SLX4IP: variants seen among roughly 807,000 people sequenced by gnomAD.
The protein encoded by SLX4IP is protein SLX4IP.
A neutral mutation model predicts 32.9 loss-of-function variants in SLX4IP; 34 were observed. That is an observed-to-expected ratio of 1.03 (90% CI 0.79 to 1.38). The LOEUF is 1.38. SLX4IP is among the 40% of genes most tolerant of loss of function. SLX4IP has a pLI of 0.00. For missense variants in SLX4IP, 444 were observed against 479.0 expected (o/e 0.93, Z 0.68); for synonymous variants, 172 against 171.7 (o/e 1.00, Z -0.01).
intron 6 of SLX4IP, chr20:10,613,865 CT>C (rs1317882333): frequency 6.3e-7 from 1 of 1,586,226 alleles, no homozygotes; most frequent in Non-Finnish European, 8.7e-7. Context: ...CTTTGTATGT[CT>C]TTTCAAAAGC....
At chr20:10,523,421 A>T (rs1025389034) in intron 2 of SLX4IP, among the ~76,000 whole-genome samples, 2 of 152,224 alleles carry the variant, frequency 1.3e-5, no homozygotes, top group Non-Finnish European at 2.9e-5. Flanking sequence ...TCCTTCTTTC[A>T]ATTGACCTCT....
At chr20:10,510,609 A>T (rs926127937) in intron 2 of SLX4IP, among the ~76,000 whole-genome samples, 48 of 142,114 alleles carry the variant, frequency 3.4e-4, no homozygotes, top group East Asian at 8.2e-4. Flanking sequence ...TATTTTTATT[A>T]TTTTTTTTTT....
At chr20:10,590,534 G>T (rs971370407) in intron 4 of SLX4IP, among the ~76,000 whole-genome samples, 27 of 149,010 alleles carry the variant, frequency 1.8e-4, no homozygotes, top group Non-Finnish European at 3.0e-4. Context: ...CTAATTTTTT[G>T]TATTTTAGTA....
At chr20:10,603,577 A>C (rs1439045690) in intron 6 of SLX4IP, among the ~76,000 whole-genome samples, 1 of 152,162 alleles carries the variant, frequency 6.6e-6, no homozygotes, top group Non-Finnish European at 1.5e-5. Flanking sequence ...CCTTGTTTTG[A>C]GTGATTGTCT....
chr20:10,623,641 T>C lies in SLX4IP; in HGVS notation c.*262T>C, dbSNP rs1261129796. 3 of 500,146 alleles carry C rather than the reference T, an allele frequency of 6.0e-6. No individual in the cohort carries two copies. Among genetic ancestry groups the C allele is most frequent in the Non-Finnish European group, 1.0e-5 (3 of 286,848 alleles). The allele number at this position is 500,146 out of a possible 1,614,324, so 31.0% of individuals were successfully genotyped here. Reference sequence around the variant, plus strand: ...GAGAATTAGTAATGACAAAGAGCCATCCACCTTGTCAGGGAGGAGACTGTG... The same window carrying C: ...GAGAATTAGTAATGACAAAGAGCCACCCACCTTGTCAGGGAGGAGACTGTG... On this transcript the variant is annotated 3_prime_UTR_variant, in exon 8 of 8. Coordinates refer to ENST00000334534, the MANE Select transcript of SLX4IP (RefSeq NM_001009608.3).
At chr20:10,579,121 T>G (rs529476197) in intron 4 of SLX4IP, among the ~76,000 whole-genome samples, 99 of 152,344 alleles carry the variant, frequency 6.5e-4, no homozygotes, top group African/African-American at 2.1e-3. Context: ...TTTGATATCA[T>G]ATCTAAGAAA....
At position 10,598,677 on chromosome 20, in the gene SLX4IP, T is replaced by C; in HGVS notation, c.241T>C (p.Tyr81His). 11 of 1,614,076 alleles carry C rather than the reference T, an allele frequency of 6.8e-6. No individual in the cohort carries two copies. The highest frequency in any genetic ancestry group is 9.3e-6 in the Non-Finnish European group (11 of 1,179,924). Residue 81 changes from tyrosine (Y) to histidine (H), a missense_variant and splice_region_variant, in exon 5 of 8, where the codon TAT becomes CAT. Coordinates refer to ENST00000334534, the MANE Select transcript of SLX4IP (RefSeq NM_001009608.3). ...TRSNPLSLKG[Y>H]GFQITAYFLK... ...TGATGTTCCCTTTCACTTTCCAGGT[T>C]ATGGCTTTCAAATCACAGCCTATTT...
intron 4 of SLX4IP, among the ~76,000 whole-genome samples, chr20:10,587,344 CA>C (rs1436156472): frequency 2.6e-5 from 4 of 152,020 alleles, no homozygotes; most frequent in Non-Finnish European, 4.4e-5. Flanking sequence ...AATATGTCTA[CA>C]AAAAGTCTAC....
At chr20:10,521,190 T>A (rs573839679) in intron 2 of SLX4IP, among the ~76,000 whole-genome samples, 47 of 152,220 alleles carry the variant, frequency 3.1e-4, no homozygotes, top group Admixed American at 3.3e-4. Flanking sequence ...TCTGTCTTAC[T>A]CTCCCGCAGC....
intron 4 of SLX4IP, among the ~76,000 whole-genome samples, chr20:10,571,989 C>A (rs1208497567): frequency 6.6e-6 from 1 of 152,152 alleles, no homozygotes; most frequent in African/African-American, 2.4e-5. Context: ...AGCCCCACCC[C>A]ACCCCAGGTC....
intron 2 of SLX4IP, among the ~76,000 whole-genome samples, chr20:10,474,707 C>G (rs1027903795): frequency 3.9e-5 from 6 of 152,216 alleles, no homozygotes; most frequent in African/African-American, 1.2e-4. Context: ...TTTTTTCCCT[C>G]CCTTACCACT....
chr20:10,457,126 G>A (rs920928679), intron 1 of SLX4IP, among the ~76,000 whole-genome samples: 2 of 151,982 alleles, frequency 1.3e-5, no homozygotes, highest in East Asian at 1.9e-4. Context: ...ATTTGTTAGG[G>A]TTTTCTATAT....
intron 4 of SLX4IP, among the ~76,000 whole-genome samples, chr20:10,598,067 A>C (rs1008107936): frequency 6.6e-6 from 1 of 152,206 alleles, no homozygotes; most frequent in Non-Finnish European, 1.5e-5. Flanking sequence ...GCTAAGATCT[A>C]TTCGCAAGCT....
At chr20:10,538,805 G>A (rs1174887571) in intron 2 of SLX4IP, among the ~76,000 whole-genome samples, 1 of 152,180 alleles carries the variant, frequency 6.6e-6, no homozygotes, top group East Asian at 1.9e-4. Context: ...GGAATTACAG[G>A]TGTGAGCCAC....
intron 5 of SLX4IP, among the ~76,000 whole-genome samples, chr20:10,601,110 G>A (rs555760217): frequency 6.6e-6 from 1 of 152,282 alleles, no homozygotes; most frequent in Admixed American, 6.5e-5. Context: ...TTTGTTTTAA[G>A]AAGCAGCAAT....
intron 1 of SLX4IP, among the ~76,000 whole-genome samples, chr20:10,440,581 TC>T (rs1347281373): frequency 1.3e-5 from 2 of 152,202 alleles, no homozygotes; most frequent in Admixed American, 6.5e-5. Flanking sequence ...GTAACCACTA[TC>T]GAAATCAGCA....
In SLX4IP at chr20:10,445,933, CTTTTTTT is replaced by C. The variant is rs749557514; in HGVS notation, c.-30+10498_-30+10504del. ...GAGCCACTGTGCCTGGCTGAGATTGCTTTTTTTTTTTTTTTTTTTTTTTTAACTCAGC... is the reference window on the plus strand; with the variant it reads ...GAGCCACTGTGCCTGGCTGAGATTGCTTTTTTTTTTTTTTTTTAACTCAGC... On this transcript the variant is annotated intron_variant, in intron 1 of 7. Coordinates refer to ENST00000334534, the MANE Select transcript of SLX4IP (RefSeq NM_001009608.3). Among the ~76,000 whole-genome samples, 776 of 60,706 alleles carry C rather than the reference CTTTTTTT, an allele frequency of 0.013. 20 individuals carry two copies. In the South Asian group the frequency reaches 0.13, roughly 10 times the overall value. The allele number at this position is 60,706 out of a possible 152,430, so 39.8% of individuals were successfully genotyped here.
At chr20:10,452,959 G>T (rs1159943969) in intron 1 of SLX4IP, among the ~76,000 whole-genome samples, 1 of 151,910 alleles carries the variant, frequency 6.6e-6, no homozygotes, top group African/African-American at 2.4e-5. Context: ...TAGCTATTGT[G>T]GTTGTTATTG....
chr20:10,590,080 A>G (rs1045872252), intron 4 of SLX4IP, among the ~76,000 whole-genome samples: 11 of 152,182 alleles, frequency 7.2e-5, no homozygotes, highest in African/African-American at 2.2e-4. Context: ...ATTGTCTGGT[A>G]CACAATAGGC....
Sources: allele counts gnomAD v4.1 joint callset (sites outside exome capture counted in the v4.1 genomes callset), GRCh38; gene constraint gnomAD v4.1.1; transcripts MANE v1.5; gene names NCBI Gene and HGNC (gene_info 2026-07-23, HGNC 2026-07-21).